Variants in LTBP4 observed in about 807,000 individuals in gnomAD.
LTBP4 encodes the protein latent-transforming growth factor beta-binding protein 4.
Under a neutral mutation model 180.2 loss-of-function variants are expected in LTBP4, and 93 were observed. That is an observed-to-expected ratio of 0.52 (90% CI 0.44 to 0.61). The LOEUF is 0.61. Among genes scored for constraint, LTBP4 ranks in the 20% least tolerant of loss-of-function variants. LTBP4 has a pLI of 0.00. For missense variants in LTBP4, 2,116 were observed against 2,256.5 expected (o/e 0.94, Z 1.26); for synonymous variants, 947 against 934.5 (o/e 1.01, Z -0.24).
intron 7 of LTBP4, among the ~76,000 whole-genome samples, chr19:40,607,779 C>T (rs1168595597): frequency 1.3e-5 from 2 of 152,224 alleles, no homozygotes; most frequent in Non-Finnish European, 2.9e-5. Flanking sequence ...GTTTTTGTCT[C>T]CTGAGCGTCA....
chr19:40,621,013 C>A (rs1389605599), intron 22 of LTBP4, among the ~76,000 whole-genome samples: 1 of 151,858 alleles, frequency 6.6e-6, no homozygotes, highest in Admixed American at 6.6e-5. Context: ...GTGATCTCAG[C>A]TCACTGTAAC....
chr19:40,600,476 G>T (rs2303730), upstream of LTBP4, among the ~76,000 whole-genome samples: 8 of 152,334 alleles, frequency 5.3e-5, no homozygotes, highest in East Asian at 1.5e-3. The surrounding 1 kb of genome is among the most constrained non-coding windows in gnomAD (Gnocchi z 4.4). Context: ...CGCCGAACCA[G>T]CCCAGACAAC....
upstream of LTBP4, chr19:40,600,070 TC>T: frequency 7.9e-7 from 1 of 1,263,398 alleles, no homozygotes; most frequent in Non-Finnish European, 1.0e-6. The surrounding 1 kb of genome is among the most constrained non-coding windows in gnomAD (Gnocchi z 4.4). Context: ...CCACCCAGGC[TC>T]CAGGAGGCCA....
At chr19:40,597,632 G>A (rs554207096), upstream of LTBP4, among the ~76,000 whole-genome samples, 1 of 152,084 alleles carries the variant, frequency 6.6e-6, no homozygotes, top group African/African-American at 2.4e-5. Context: ...GGTTAGTTCG[G>A]GGAAAGGTCT....
chr19:40,608,513 C>A lies in LTBP4; in HGVS notation c.1336C>A (p.Arg446=), dbSNP rs747870410. Residue 446 remains arginine, a synonymous_variant, in exon 9 of 30, where the codon CGG becomes AGG. Transcript: ENST00000396819. Reference sequence around the variant, plus strand: ...TCTGCCCACCCATCGCCTGGAGCCCCGGCCTGAACCCCGGCCCGATCCCCG... The same window carrying A: ...TCTGCCCACCCATCGCCTGGAGCCCAGGCCTGAACCCCGGCCCGATCCCCG... ...GFLPTHRLEP[R]PEPRPDPRPG... 2 of 1,606,322 alleles carry A rather than the reference C, an allele frequency of 1.2e-6. No individual in the cohort carries two copies. The highest frequency in any genetic ancestry group is 1.7e-5 in the Admixed American group (1 of 58,624).
chr19:40,611,933 T>A lies in LTBP4; in HGVS notation c.2128T>A (p.Cys710Ser). 1 of 1,610,696 alleles carries A rather than the reference T, an allele frequency of 6.2e-7. No individual in the cohort carries two copies. The highest frequency in any genetic ancestry group is 8.5e-7 in the Non-Finnish European group (1 of 1,178,530). ...RCENTEGSFQ[C>S]VCPMGFQPNT... ...TGAGAACACAGAAGGCAGCTTCCAG[T>A]GTGTCTGCCCCATGGGCTTCCAACC... Residue 710 changes from cysteine (C) to serine (S), a missense_variant, in exon 14 of 30, where the codon TGT becomes AGT. Cys to Ser is a moderately radical substitution (Grantham distance 112, BLOSUM62 -1). Around this residue, in one of 5 missense-constraint regions of LTBP4, gnomAD observed 877 missense variants for 873.6 expected, o/e 1.00. Transcript: ENST00000396819. This position sits in a 1 kb window ranked among gnomAD's most constrained non-coding sequence, Gnocchi z 4.4.
At position 40,609,889 on chromosome 19, in the gene LTBP4, C is replaced by T. The variant is rs1368629683; in HGVS notation, c.1684+18C>T. 4 of 1,517,252 alleles carry T rather than the reference C, an allele frequency of 2.6e-6. No homozygotes were observed. In the African/African-American group the frequency reaches 5.5e-5, roughly 21 times the overall value. 94.0% of individuals were successfully genotyped at this position (1,517,252 alleles called of 1,614,324 possible). ...ATGCCTGGGTGAGAAATTTGCCCCA[C>T]CCGGCTCCAGGCCCACCCCAGGGTC... On this transcript the variant is annotated intron_variant, in intron 11 of 29. Coordinates refer to ENST00000396819, the MANE Select transcript of LTBP4 (RefSeq NM_001042545.2). The surrounding 1 kb of genome is among the most constrained non-coding windows in gnomAD (Gnocchi z 4.9).
rs1197308187 is a variant in LTBP4 at position 40,593,268 on chromosome 19, G to A, written c.16+87G>A. 7 of 1,531,966 alleles carry A rather than the reference G, an allele frequency of 4.6e-6. 1 individual carries two copies. In the South Asian group the frequency reaches 7.9e-5, roughly 17 times the overall value. 94.9% of individuals were successfully genotyped at this position (1,531,966 alleles called of 1,614,324 possible). On this transcript the variant is annotated intron_variant, in intron 1 of 32. Coordinates refer to the LTBP4 transcript ENST00000204005. ...TTTTGTTTGTTTGTTTTTGAGACAG[G>A]GTCTTGCTTTGTTGCCCGGGCTAGG...
upstream of LTBP4, chr19:40,599,386 C>A: frequency 6.2e-7 from 1 of 1,609,912 alleles, no homozygotes; most frequent in Non-Finnish European, 8.5e-7. Context: ...ACTTGGTCCC[C>A]TCCTTCCCCA....
chr19:40,623,730 T>C lies in LTBP4; in HGVS notation c.3683T>C (p.Ile1228Thr), dbSNP rs2146045663. The change falls in exon 25 of 30, where the codon ATC becomes ACC. Residue 1228 changes from isoleucine to threonine, a missense_variant and splice_region_variant. This residue lies in a region of LTBP4 where 278 missense variants were observed against 373.0 expected (regional missense o/e 0.75). Coordinates refer to ENST00000396819, the MANE Select transcript of LTBP4 (RefSeq NM_001042545.2). ...TACCACACACAGCGGCTGGAGTGCA[T>C]CGGTACAAGCCCCACCTCCCCCAAC... is the stretch of plus-strand genomic sequence containing the variant. ...YYYHTQRLECIDNDECADEEP... is the reference protein window; with the variant it reads ...YYYHTQRLECTDNDECADEEP... 1 of 1,613,688 alleles carries C rather than the reference T, an allele frequency of 6.2e-7. No homozygotes were observed.
upstream of LTBP4, chr19:40,599,149 G>A: frequency 6.4e-7 from 1 of 1,552,354 alleles, no homozygotes; most frequent in South Asian, 1.2e-5. Flanking sequence ...CCTTTGCAGA[G>A]TTCTGGGGTG....
intron 12 of LTBP4, 26 bp downstream of exon 12, chr19:40,610,683 G>A: frequency 1.3e-6 from 2 of 1,567,790 alleles, no homozygotes; most frequent in East Asian, 2.3e-5. Context: ...GGGCAGCTGG[G>A]AAGGGGTGTG....
chr19:40,597,821 G>A (rs1350734580), upstream of LTBP4, among the ~76,000 whole-genome samples: 1 of 151,932 alleles, frequency 6.6e-6, no homozygotes, highest in Admixed American at 6.6e-5. Context: ...CTAGGATTTG[G>A]GGGCTCTGTG....
chr19:40,603,751 G>A (rs953829188), intron 1 of LTBP4, among the ~76,000 whole-genome samples: 24 of 152,346 alleles, frequency 1.6e-4, no homozygotes, highest in African/African-American at 5.3e-4. Flanking sequence ...CCTCCGCACA[G>A]CTGTCTCCAG....
chr19:40,625,869 G>T lies in LTBP4; in HGVS notation c.3845G>T (p.Gly1282Val), dbSNP rs566240570. Reference protein sequence around the residue: ...NESQSLDDNLGVCWQEVGADL... With the variant: ...NESQSLDDNLVVCWQEVGADL... ...TCTCCACCTACAGATGACAATCTGG[G>T]AGTGTGCTGGCAGGAAGTGGGGGCT... The change falls in exon 27 of 30, where the codon GGA (glycine) becomes GTA (valine). Residue 1282 changes from glycine to valine, a missense_variant. By Grantham distance (109) the Gly-to-Val change is moderately radical. This residue lies in a region of LTBP4 where 488 missense variants were observed against 458.8 expected (regional missense o/e 1.06). Transcript: ENST00000396819. 4.0e-5 allele frequency: 64 copies of T among 1,589,350 alleles called. No homozygotes were observed. The Admixed American group carries it at 1.1e-3, about 28-fold the overall frequency.
chr19:40,623,994 T>C lies in LTBP4; in HGVS notation c.3744T>C (p.Thr1248=). Residue 1248 remains threonine, a synonymous_variant, in exon 26 of 30, where the codon ACT becomes ACC. Coordinates refer to ENST00000396819, the MANE Select transcript of LTBP4 (RefSeq NM_001042545.2). ...GTGAGGGCGGCCGCTGTGTCAACAC[T>C]GTGGGCTCTTATCACTGTACCTGCG... ...PACEGGRCVN[T]VGSYHCTCEP... is the part of the protein sequence containing the mutation. 2 of 1,613,470 alleles carry C rather than the reference T, an allele frequency of 1.2e-6. No homozygotes were observed. The highest frequency in any genetic ancestry group is 1.7e-6 in the Non-Finnish European group (2 of 1,179,698).
intron 5 of LTBP4, 40 bp downstream of exon 5, chr19:40,606,347 G>T: frequency 6.2e-7 from 1 of 1,602,100 alleles, no homozygotes; most frequent in Non-Finnish European, 8.5e-7. Flanking sequence ...GGTTCTGGGG[G>T]CGGGATTTGC....
At chr19:40,625,255 T>C (rs1489336797) in intron 26 of LTBP4, among the ~76,000 whole-genome samples, 1 of 1,912 alleles carries the variant, frequency 5.2e-4, no homozygotes, top group Non-Finnish European at 9.8e-4. Context: ...TTTGTATTTA[T>C]ATATATATAT....
At chr19:40,599,357 A>G (rs568113827), upstream of LTBP4, 59 of 1,610,704 alleles carry the variant, frequency 3.7e-5, no homozygotes, top group Admixed American at 9.7e-4. Context: ...GGAGAGCTGG[A>G]TGCATTTGGT....
Sources: allele counts gnomAD v4.1 joint callset (sites outside exome capture counted in the v4.1 genomes callset), GRCh38; gene constraint gnomAD v4.1.1; regional missense constraint gnomAD v4.1.1; non-coding constraint Gnocchi (gnomAD v3.1); transcripts MANE v1.5; gene names NCBI Gene and HGNC (gene_info 2026-07-23, HGNC 2026-07-21).